The following METTL8 variants were observed in gnomAD, a reference collection of about 807,000 sequenced individuals.
METTL8 encodes methyltransferase 8, tRNA N3-cytidine.
METTL8 carries 32 observed loss-of-function variants against 48.7 expected under a neutral mutation model. The ratio of observed to expected loss-of-function variants is 0.66; its 90% CI spans 0.50 to 0.88. The LOEUF (loss-of-function observed/expected upper bound fraction) is 0.88. Among genes scored for constraint, METTL8 ranks in the 40% least tolerant of loss-of-function variants. The pLI is 0.00. For missense variants in METTL8, 464 were observed against 474.4 expected (o/e 0.98, Z 0.20); for synonymous variants, 136 against 157.1 (o/e 0.87, Z 1.01).
At chr2:171,352,962 A>G (rs1684108141) in intron 3 of METTL8, among the ~76,000 whole-genome samples, 1 of 151,914 alleles carries the variant, frequency 6.6e-6, no homozygotes, top group African/African-American at 2.4e-5. Context: ...TTGTGTCTCT[A>G]TCTCCTTCAG....
chr2:171,333,049 C>T (rs1433243819), intron 5 of METTL8, among the ~76,000 whole-genome samples: 2 of 116,644 alleles, frequency 1.7e-5, no homozygotes, highest in South Asian at 3.2e-4. Flanking sequence ...AATAAATATG[C>T]ATTTAGCAAA....
chr2:171,370,952 A>AT (rs577336869), intron 2 of METTL8, among the ~76,000 whole-genome samples: 22 of 152,306 alleles, frequency 1.4e-4, no homozygotes, highest in African/African-American at 5.1e-4. Context: ...AGGTGGACAT[A>AT]TTACACTTCG....
chr2:171,335,756 T>C (rs1211569929), intron 5 of METTL8, among the ~76,000 whole-genome samples: 1 of 152,040 alleles, frequency 6.6e-6, no homozygotes, highest in Non-Finnish European at 1.5e-5. Context: ...TAATAAAAAG[T>C]TTAAAAGATC....
In METTL8 at chr2:171,432,003, G is replaced by C. The variant is rs1693082018; in HGVS notation, c.-13+1880C>G. Reference sequence around the variant, plus strand: ...GAGCCAGCTCCTGTGCCGGCACTTGGAGCAACCAGCTGGATACCACACAAC... The same window carrying C: ...GAGCCAGCTCCTGTGCCGGCACTTGCAGCAACCAGCTGGATACCACACAAC... On this transcript the variant is annotated intron_variant, in intron 1 of 9. Transcript: ENST00000375258. Among the ~76,000 whole-genome samples, 3 of 152,186 alleles carry C rather than the reference G, an allele frequency of 2.0e-5. 1 individual carries two copies. In the South Asian group the frequency reaches 6.2e-4, roughly 32 times the overall value.
chr2:171,359,472 A>C (rs1684936293), intron 3 of METTL8, among the ~76,000 whole-genome samples: 1 of 152,138 alleles, frequency 6.6e-6, no homozygotes, highest in African/African-American at 2.4e-5. Context: ...TCAAAGAAGT[A>C]AAAATAGAAC....
rs528272186 is a variant in METTL8, at chr2:171,316,192, G to T, written c.*7980C>A. Among the ~76,000 whole-genome samples the T allele has an allele frequency of 6.6e-6, 1 of 152,174 alleles. No individual in the cohort carries two copies. Among genetic ancestry groups the T allele is most frequent in the African/African-American group, 2.4e-5 (1 of 41,446 alleles). On this transcript the variant is annotated 3_prime_UTR_variant, in exon 10 of 10. Coordinates refer to ENST00000375258, the MANE Select transcript of METTL8 (RefSeq NM_001321154.2). ...GGAAAAGAAAATCTATGAGGAAAAC[G>T]TCAGCTTGCTTATCCAGGGAATGAG... is the stretch of plus-strand genomic sequence containing the variant.
At chr2:171,357,961 G>A (rs1320808391) in intron 3 of METTL8, among the ~76,000 whole-genome samples, 2 of 152,070 alleles carry the variant, frequency 1.3e-5, no homozygotes, top group East Asian at 3.8e-4. Flanking sequence ...TTCCCAAAAT[G>A]CTGGGATTAC....
intron 3 of METTL8, among the ~76,000 whole-genome samples, chr2:171,354,292 T>C (rs1314583820): frequency 6.6e-6 from 1 of 152,184 alleles, no homozygotes; most frequent in Non-Finnish European, 1.5e-5. Context: ...CGGCCCCCAC[T>C]CTCTTCTGAC....
Position 171,363,417 on chromosome 2 carries a change from T to C in METTL8, c.144-2904A>G, listed in dbSNP as rs149303503. Among the ~76,000 whole-genome samples, 455 of 152,150 alleles carry C rather than the reference T, an allele frequency of 3.0e-3. 1 individual carries two copies. Among genetic ancestry groups the C allele is most frequent in the African/African-American group, 1.0e-2 (413 of 41,506 alleles). On this transcript the variant is annotated intron_variant, in intron 2 of 9. Transcript: ENST00000375258. ...TTTTTATTAGTAATAAATACAACTA[T>C]AGAATTTAAGCATAGAAACAAATAA...
At position 171,433,636 on chromosome 2, in the gene METTL8, T is replaced by C. The variant is rs192770132; in HGVS notation, c.-13+247A>G. Among the ~76,000 whole-genome samples the C allele has an allele frequency of 3.6e-3, 554 of 152,324 alleles. 1 individual carries two copies. Among genetic ancestry groups the C allele is most frequent in the Non-Finnish European group, 5.8e-3 (395 of 68,026 alleles). On this transcript the variant is annotated intron_variant, in intron 1 of 9. Coordinates refer to ENST00000375258, the MANE Select transcript of METTL8 (RefSeq NM_001321154.2). ...GCCGTCCAATAAGAATGTAAGCATT[T>C]CATATTTTATTCCCTATAAAGAAAA...
chr2:171,363,792 T>TTATATATATATATATATA lies in METTL8; in HGVS notation c.144-3297_144-3280dup, dbSNP rs200347847. On this transcript the variant is annotated intron_variant, in intron 2 of 9. Coordinates refer to ENST00000375258, the MANE Select transcript of METTL8 (RefSeq NM_001321154.2). The stretch of plus-strand genomic sequence containing the variant: ...GGTTAAAAAAGTACATCCCCAAATT[T>TTATATATATATATATATA]TATATATATATATATATATATATCT... 6.5e-4 allele frequency among the ~76,000 whole-genome samples: 63 copies of TTATATATATATATATATA among 97,436 alleles called. 1 individual carries two copies. In the East Asian group the frequency reaches 7.5e-3, roughly 12 times the overall value. The allele number at this position is 97,436 out of a possible 152,430, so 63.9% of individuals were successfully genotyped here. A position where few individuals can be genotyped will look rare whatever the true frequency, so the allele number is the denominator to read the frequency against.
rs1020307644 is a variant in METTL8 at position 171,323,959 on chromosome 2, T to C, written c.*213A>G. 4.8e-6 allele frequency: 2 copies of C among 418,650 alleles called. No homozygotes were observed. The allele number at this position is 418,650 out of a possible 1,614,324, so 25.9% of individuals were successfully genotyped here. A position where few individuals can be genotyped will look rare whatever the true frequency, so the allele number is the denominator to read the frequency against. On this transcript the variant is annotated 3_prime_UTR_variant, in exon 10 of 10. Transcript: ENST00000375258. ...TAGATGTAATAAATTCAAACAAGCTTGAGCATATCAAGTTTTCAAAGCACA... is the reference window on the plus strand; with the variant it reads ...TAGATGTAATAAATTCAAACAAGCTCGAGCATATCAAGTTTTCAAAGCACA...
chr2:171,395,744 C>A (rs1295331521), intron 1 of METTL8, among the ~76,000 whole-genome samples: 6 of 152,182 alleles, frequency 3.9e-5, no homozygotes, highest in Admixed American at 1.3e-4. Context: ...CACAGTAATA[C>A]TTGGAGATTT....
intron 2 of METTL8, among the ~76,000 whole-genome samples, chr2:171,390,901 T>C (rs1688523590): frequency 6.6e-6 from 1 of 152,206 alleles, no homozygotes; most frequent in African/African-American, 2.4e-5. Context: ...AAACAAAATA[T>C]TTAGAATATT....
At chr2:171,366,531 A>G (rs1211833183) in intron 2 of METTL8, among the ~76,000 whole-genome samples, 1 of 152,212 alleles carries the variant, frequency 6.6e-6, no homozygotes, top group African/African-American at 2.4e-5. Flanking sequence ...AAGTCAGTCA[A>G]TAAATATAGA....
chr2:171,425,617 C>T (rs1005654733), intron 1 of METTL8, among the ~76,000 whole-genome samples: 3 of 152,192 alleles, frequency 2.0e-5, no homozygotes, highest in Non-Finnish European at 4.4e-5. Context: ...TAGAACAGGA[C>T]TGTGAGTCGC....
Position 171,320,679 on chromosome 2 carries a change from T to C in METTL8, c.*3493A>G, listed in dbSNP as rs1327661065. The C allele has an allele frequency of 6.6e-6, 1 of 152,240 alleles. No homozygotes were observed. The highest frequency in any genetic ancestry group is 6.5e-5 in the Admixed American group (1 of 15,294). 9.4% of individuals were successfully genotyped at this position (152,240 alleles called of 1,614,324 possible). ...GTACACTTTAATTATGAAATACAAC[T>C]GAGTTAAGAGTCTTGGGCAAATTTT... On this transcript the variant is annotated 3_prime_UTR_variant, in exon 10 of 10. Coordinates refer to ENST00000375258, the MANE Select transcript of METTL8 (RefSeq NM_001321154.2).
At chr2:171,383,584 A>G (rs894148902) in intron 2 of METTL8, among the ~76,000 whole-genome samples, 2 of 152,164 alleles carry the variant, frequency 1.3e-5, no homozygotes, top group African/African-American at 4.8e-5. Flanking sequence ...GAGCATGCCA[A>G]TGGCCTAGCT....
chr2:171,375,239 C>A (rs2105513251), intron 2 of METTL8: 2 of 1,226,708 alleles, frequency 1.6e-6, no homozygotes, highest in Admixed American at 3.4e-5. Context: ...TGGCCGCGGC[C>A]CTTTTTGGCA....
Sources: gnomAD v4.1 joint callset for allele counts (sites outside exome capture counted in the v4.1 genomes callset) on GRCh38, gnomAD v4.1.1 for gene constraint, MANE v1.5 for transcripts, NCBI Gene and HGNC (gene_info 2026-07-23, HGNC 2026-07-21) for gene names.